The following NBAS variants were observed in gnomAD, a reference collection of about 807,000 sequenced individuals.
NBAS encodes the protein NAG/BC035112 fusion.
Under a neutral mutation model 302.5 loss-of-function variants are expected in NBAS, and 219 were observed. The observed-to-expected ratio is 0.72, with a 90% CI of 0.65 to 0.81. The LOEUF is 0.81. NBAS is among the 30% of genes least tolerant of loss of function. The probability of loss-of-function intolerance (pLI) is 0.00; values close to 1 mark genes in which losing one functional copy is unlikely to be tolerated. For synonymous variants in NBAS, 1,118 were observed against 1,021.6 expected (o/e 1.09, Z -1.80); for missense variants, 2,932 against 2,841.6 (o/e 1.03, Z -0.72).
At chr2:15,302,570 T>A (rs1017776774) in intron 40 of NBAS, among the ~76,000 whole-genome samples, 1 of 152,126 alleles carries the variant, frequency 6.6e-6, no homozygotes, top group African/African-American at 2.4e-5. Context: ...GTGGGTAGTG[T>A]GACAACCAGG....
the NBAS span, among the ~76,000 whole-genome samples, chr2:15,074,721 C>T: frequency 6.6e-6 from 1 of 152,110 alleles, no homozygotes; most frequent in Admixed American, 6.5e-5. Flanking sequence ...ATTTACAAGT[C>T]ATATCACAGA....
At chr2:15,388,353 T>C (rs1394732889) in intron 28 of NBAS, among the ~76,000 whole-genome samples, 1 of 152,038 alleles carries the variant, frequency 6.6e-6, no homozygotes, top group Admixed American at 6.6e-5. Flanking sequence ...ACCCTTATAA[T>C]GTTTTCCACT....
Position 15,332,539 on chromosome 2 carries a change from C to CA in NBAS, c.4180-1775dup, listed in dbSNP as rs1054377585. On this transcript the variant is annotated intron_variant, in intron 35 of 51. Transcript: ENST00000281513. ...CGTATTCTAAACCGGTTTGGTCATG[C>CA]AAAAAAAAAATAAAATTGTTTCTTG... 2.4e-3 allele frequency among the ~76,000 whole-genome samples: 337 copies of CA among 140,830 alleles called. 3 individuals are homozygous for CA. Among genetic ancestry groups the CA allele is most frequent in the African/African-American group, 3.0e-3 (113 of 38,206 alleles). 92.4% of individuals were successfully genotyped at this position (140,830 alleles called of 152,430 possible).
the NBAS span, among the ~76,000 whole-genome samples, chr2:15,072,198 T>A: frequency 1.3e-5 from 2 of 152,258 alleles, no homozygotes; most frequent in African/African-American, 4.8e-5. Context: ...CCAGTATTTT[T>A]ATATTATCTT....
At chr2:15,225,200 T>C (rs895932821) in intron 47 of NBAS, among the ~76,000 whole-genome samples, 7 of 152,160 alleles carry the variant, frequency 4.6e-5, no homozygotes, top group Non-Finnish European at 8.8e-5. Flanking sequence ...GTAGGCATAA[T>C]TAAAAAACAA....
the NBAS span, among the ~76,000 whole-genome samples, chr2:14,942,229 T>G: frequency 2.0e-5 from 3 of 152,240 alleles, no homozygotes; most frequent in Admixed American, 6.5e-5. Context: ...GGCACCCTGA[T>G]ATGGTTTGGG....
At chr2:15,131,169 G>A in the NBAS span, among the ~76,000 whole-genome samples, 29 of 152,010 alleles carry the variant, frequency 1.9e-4, no homozygotes, top group Admixed American at 4.6e-4. Context: ...CATAATCTCC[G>A]AGCAGATGTT....
the NBAS span, among the ~76,000 whole-genome samples, chr2:15,063,339 C>A: frequency 6.6e-6 from 1 of 151,940 alleles, no homozygotes; most frequent in South Asian, 2.1e-4. Flanking sequence ...ATCCCAGGAG[C>A]CTTCCTTAAG....
At chr2:15,100,532 T>C in the NBAS span, among the ~76,000 whole-genome samples, 1 of 152,182 alleles carries the variant, frequency 6.6e-6, no homozygotes, top group African/African-American at 2.4e-5. Flanking sequence ...GGTTTGATCA[T>C]GAACTTCTCT....
the NBAS span, among the ~76,000 whole-genome samples, chr2:15,057,061 C>G: frequency 6.6e-6 from 1 of 151,924 alleles, no homozygotes; most frequent in Non-Finnish European, 1.5e-5. Flanking sequence ...AACTCCTGAC[C>G]TCAGGTGATC....
rs370266917 is a variant in NBAS at position 15,539,264 on chromosome 2, C to A, written c.472G>T (p.Val158Leu). ...AYAESTGTVRVFDLMGSELFV... is the reference protein window; with the variant it reads ...AYAESTGTVRLFDLMGSELFV... Reference sequence around the variant, plus strand: ...AGTTCACTTCCCATGAGATCAAACACCCTCACAGTTCCTGTGCTTTCGGCA... The same window carrying A: ...AGTTCACTTCCCATGAGATCAAACAACCTCACAGTTCCTGTGCTTTCGGCA... The change falls in exon 7 of 52, where the codon GTG (valine) becomes TTG (leucine). Residue 158 changes from valine to leucine, a missense_variant. Physicochemically the swap from Val to Leu is conservative, Grantham distance 32 (BLOSUM62 1). Coordinates refer to ENST00000281513, the MANE Select transcript of NBAS (RefSeq NM_015909.4). The A allele has an allele frequency of 6.2e-7, 1 of 1,614,204 alleles. No individual in the cohort carries two copies. Among genetic ancestry groups the A allele is most frequent in the Admixed American group, 1.7e-5 (1 of 60,034 alleles).
At chr2:15,231,910 G>A (rs1206668365) in intron 47 of NBAS, among the ~76,000 whole-genome samples, 1 of 152,130 alleles carries the variant, frequency 6.6e-6, no homozygotes, top group Non-Finnish European at 1.5e-5. Context: ...TTTCTTATCA[G>A]TATCATTGTA....
In NBAS at chr2:15,218,905, G is replaced by T; in HGVS notation, c.6300C>A (p.Ala2100=). ...EWLRPFCADD[A]WPVRPRIHVL... is the part of the protein sequence containing the mutation. Reference sequence around the variant, plus strand: ...CGTGAATGCGGGGCCGCACCGGCCAGGCGTCATCAGCACAGAAAGGCCGCA... The same window carrying T: ...CGTGAATGCGGGGCCGCACCGGCCATGCGTCATCAGCACAGAAAGGCCGCA... Residue 2100 remains alanine (A), a synonymous_variant, in exon 48 of 52, where the codon GCC becomes GCA. Coordinates refer to ENST00000281513, the MANE Select transcript of NBAS (RefSeq NM_015909.4). 6.2e-7 allele frequency: 1 copy of T among 1,614,252 alleles called. No individual in the cohort carries two copies. The highest frequency in any genetic ancestry group is 8.5e-7 in the Non-Finnish European group (1 of 1,180,044).
At chr2:15,062,348 C>T in the NBAS span, among the ~76,000 whole-genome samples, 347 of 152,270 alleles carry the variant, frequency 2.3e-3, 1 homozygote, top group Non-Finnish European at 2.9e-3. Flanking sequence ...TCAAGCTGCA[C>T]AGAGCGATGA....
chr2:15,063,202 T>C, the NBAS span, among the ~76,000 whole-genome samples: 10 of 152,250 alleles, frequency 6.6e-5, no homozygotes, highest in African/African-American at 2.4e-4. Flanking sequence ...CAGGAAATGC[T>C]TGTGCTTATA....
the NBAS span, among the ~76,000 whole-genome samples, chr2:15,041,659 G>A: frequency 6.6e-6 from 1 of 152,210 alleles, no homozygotes; most frequent in East Asian, 1.9e-4. Flanking sequence ...ACAGCAGTAA[G>A]TACTCTTTGT....
At chr2:15,112,744 G>GA in the NBAS span, among the ~76,000 whole-genome samples, 9 of 16,328 alleles carry the variant, frequency 5.5e-4, no homozygotes, top group Non-Finnish European at 1.6e-3. Flanking sequence ...ATTCTCAAAG[G>GA]AAAAAAAATA....
At chr2:15,145,411 GTGT>G in the NBAS span, among the ~76,000 whole-genome samples, 44 of 151,718 alleles carry the variant, frequency 2.9e-4, 1 homozygote, top group Non-Finnish European at 5.7e-4. Flanking sequence ...ATGTGTGTGT[GTGT>G]GTGTGTGTGT....
the NBAS span, among the ~76,000 whole-genome samples, chr2:15,094,834 A>G: frequency 6.6e-6 from 1 of 152,218 alleles, no homozygotes; most frequent in African/African-American, 2.4e-5. Context: ...CTCAGCAGAG[A>G]TTCCAGGTTC....
Sources: allele counts gnomAD v4.1 joint callset (sites outside exome capture counted in the v4.1 genomes callset), GRCh38; gene constraint gnomAD v4.1.1; transcripts MANE v1.5; gene names NCBI Gene and HGNC (gene_info 2026-07-23, HGNC 2026-07-21).